The following TENT5A variants were observed in gnomAD, a reference collection of about 807,000 sequenced individuals.
The protein encoded by TENT5A is HBV X-transactivated gene 11 protein.
TENT5A carries 9 observed loss-of-function variants against 30.2 expected under a neutral mutation model. The observed-to-expected ratio is 0.30, with a 90% CI of 0.18 to 0.52. TENT5A has a LOEUF of 0.52. Among genes scored for constraint, TENT5A ranks in the 20% least tolerant of loss-of-function variants. TENT5A has a pLI of 0.97. For missense variants in TENT5A, 411 were observed against 566.1 expected (o/e 0.73, Z 2.78); for synonymous variants, 264 against 234.2 (o/e 1.13, Z -1.16).
In TENT5A at chr6:81,751,741, C is replaced by A; in HGVS notation, c.401G>T (p.Gly134Val). 6.2e-7 allele frequency: 1 copy of A among 1,613,800 alleles called. No individual in the cohort carries two copies. The highest frequency in any genetic ancestry group is 8.5e-7 in the Non-Finnish European group (1 of 1,180,034). ...AASHVLHQDS[G>V]LGYKDLDLIF... ...GAGGTCCAGGTCCTTGTAGCCCAGG[C>A]CGCTGTCCTGGTGCAGGACATGGCT... The change falls in exon 2 of 3, where the codon GGC becomes GTC. Residue 134 changes from glycine to valine, a missense_variant. By Grantham distance (109) the Gly-to-Val change is moderately radical. Transcript: ENST00000320172.
rs1244081808 is a variant in TENT5A at position 81,749,088 on chromosome 6, G to T, written c.*607C>A. ...TGTGTCATCATAAGTTCTGCTGATT[G>T]TTACGAGAACTGCACCAACCTACTA... On this transcript the variant is annotated 3_prime_UTR_variant, in exon 3 of 3. Transcript: ENST00000320172. The T allele has an allele frequency of 2.3e-5, 23 of 985,654 alleles. No homozygotes were observed. The highest frequency in any genetic ancestry group is 2.8e-5 in the Non-Finnish European group (23 of 829,926). The allele number at this position is 985,654 out of a possible 1,614,324, so 61.1% of individuals were successfully genotyped here. A position where few individuals can be genotyped will look rare whatever the true frequency, so the allele number is the denominator to read the frequency against.
At position 81,751,696 on chromosome 6, in the gene TENT5A, C is replaced by G; in HGVS notation, c.446G>C (p.Arg149Pro). The change falls in exon 2 of 3, where the codon CGC (arginine) becomes CCC (proline). Residue 149 changes from arginine (R) to proline (P), a missense_variant. This residue lies in a region of TENT5A where 157 missense variants were observed against 183.2 expected (regional missense o/e 0.86). Coordinates refer to ENST00000320172, the MANE Select transcript of TENT5A (RefSeq NM_017633.3). ...DLDLIFCADL[R>P]GEGEFQTVKD... Reference sequence around the variant, plus strand: ...CACAGTCTGAAACTCCCCTTCCCCGCGCAGGTCGGCGCAGAAGATGAGGTC... The same window carrying G: ...CACAGTCTGAAACTCCCCTTCCCCGGGCAGGTCGGCGCAGAAGATGAGGTC... The G allele has an allele frequency of 6.2e-7, 1 of 1,614,178 alleles. No homozygotes were observed. The highest frequency in any genetic ancestry group is 8.5e-7 in the Non-Finnish European group (1 of 1,180,056).
At position 81,751,916 on chromosome 6, in the gene TENT5A, C is replaced by A. The variant is rs1180072110; in HGVS notation, c.226G>T (p.Gly76Cys). 3.7e-6 allele frequency: 6 copies of A among 1,613,190 alleles called. No individual in the cohort carries two copies. Among genetic ancestry groups the A allele is most frequent in the Non-Finnish European group, 5.1e-6 (6 of 1,179,932 alleles). The change falls in exon 2 of 3, where the codon GGC becomes TGC. Residue 76 changes from glycine to cysteine, a missense_variant. Physicochemically the swap from Gly to Cys is radical, Grantham distance 159 (BLOSUM62 -3). Transcript: ENST00000320172. Reference protein sequence around the residue: ...LNWEQVQRLDGILSETIPIHG... With the variant: ...LNWEQVQRLDCILSETIPIHG... ...ATCGGAATGGTCTCGCTCAGGATGC[C>A]GTCCAGCCGCTGCACTTGCTCCCAG... is the stretch of plus-strand genomic sequence containing the variant.
chr6:81,751,834 A>T lies in TENT5A; in HGVS notation c.308T>A (p.Val103Glu). 1 of 1,612,862 alleles carries T rather than the reference A, an allele frequency of 6.2e-7. No individual in the cohort carries two copies. Among genetic ancestry groups the T allele is most frequent in the Non-Finnish European group, 8.5e-7 (1 of 1,179,842 alleles). Residue 103 changes from valine to glutamate, a missense_variant, in exon 2 of 3, where the codon GTG (valine) becomes GAG (glutamate). By Grantham distance (121) the Val-to-Glu change is moderately radical. Transcript: ENST00000320172. Reference protein sequence around the residue: ...LELQPSLIVKVVRRRLAEKRI... With the variant: ...LELQPSLIVKEVRRRLAEKRI... ...CTTCTCGGCCAGGCGCCGCCGCACC[A>T]CCTTCACGATCAGGCTCGGCTGCAG...
rs56281911 is a variant in TENT5A, at chr6:81,747,710, G to T, written c.*1985C>A. ...TCATAGCAAGCAGTCATCCACTAAG[G>T]TTGTGGAGATTATGTGGTTGTTTCA... On this transcript the variant is annotated 3_prime_UTR_variant, in exon 3 of 3. Transcript: ENST00000320172. The T allele has an allele frequency of 6.3e-3, 6,220 of 985,520 alleles. 322 individuals carry two copies. The African/African-American group carries it at 0.1, about 16-fold the overall frequency. 61.0% of individuals were successfully genotyped at this position (985,520 alleles called of 1,614,324 possible). A position where few individuals can be genotyped will look rare whatever the true frequency, so the allele number is the denominator to read the frequency against.
chr6:81,746,245 C>CA lies in TENT5A; in HGVS notation c.*3449dup, dbSNP rs1290421242. The CA allele has an allele frequency of 3.0e-5, 34 of 1,151,044 alleles. No homozygotes were observed. Among genetic ancestry groups the CA allele is most frequent in the Non-Finnish European group, 3.6e-5 (34 of 938,158 alleles). 71.3% of individuals were successfully genotyped at this position (1,151,044 alleles called of 1,614,324 possible). ...TAACACACTTCATCTTCAACAACAA[C>CA]AAAAAAGCTTATTTTTGAACTGACA... is the stretch of plus-strand genomic sequence containing the variant. On this transcript the variant is annotated 3_prime_UTR_variant, in exon 3 of 3. Transcript: ENST00000320172.
rs1426071498 is a variant in TENT5A, at chr6:81,752,530, C to G, written c.-137G>C. The G allele has an allele frequency of 1.6e-6, 2 of 1,274,076 alleles. No homozygotes were observed. The highest frequency in any genetic ancestry group is 4.0e-5 in the Admixed American group (2 of 50,618). 78.9% of individuals were successfully genotyped at this position (1,274,076 alleles called of 1,614,324 possible). A position where few individuals can be genotyped will look rare whatever the true frequency, so the allele number is the denominator to read the frequency against. ...GCGAGCGCGCTCAGACAGCAAATAG[C>G]GACTTCGTCTTTCCCAGACCCCTGC... is the stretch of plus-strand genomic sequence containing the variant. On this transcript the variant is annotated 5_prime_UTR_variant, in exon 1 of 3. Transcript: ENST00000320172.
At position 81,746,766 on chromosome 6, in the gene TENT5A, T is replaced by C. The variant is rs1768894906; in HGVS notation, c.*2929A>G. The C allele has an allele frequency of 1.6e-6, 2 of 1,217,378 alleles. No homozygotes were observed. The highest frequency in any genetic ancestry group is 6.5e-5 in the East Asian group (2 of 30,800). The allele number at this position is 1,217,378 out of a possible 1,614,324, so 75.4% of individuals were successfully genotyped here. On this transcript the variant is annotated 3_prime_UTR_variant, in exon 3 of 3. Transcript: ENST00000320172. ...TAATAGGGAGTCGGGAGCTGTTCTT[T>C]TCTCTGACCTATACACATGGCTCTC...
chr6:81,752,646 C>T lies in TENT5A; in HGVS notation c.-253G>A. ...CCCGAACTGGCGGCTCTTGCTGCCA[C>T]ACACGCTCGTGTCTCTGGAGCTTTA... On this transcript the variant is annotated 5_prime_UTR_variant, in exon 1 of 3. In the 5' UTR this introduces an upstream ATG that the reference lacks. Coordinates refer to ENST00000320172, the MANE Select transcript of TENT5A (RefSeq NM_017633.3). 2.8e-6 allele frequency: 2 copies of T among 718,598 alleles called. No individual in the cohort carries two copies. The highest frequency in any genetic ancestry group is 3.0e-5 in the South Asian group (2 of 67,612). 44.5% of individuals were successfully genotyped at this position (718,598 alleles called of 1,614,324 possible). A position where few individuals can be genotyped will look rare whatever the true frequency, so the allele number is the denominator to read the frequency against.
Position 81,752,247 on chromosome 6 carries a change from C to CA in TENT5A, c.-37-70dup, listed in dbSNP as rs925522788. ...GGAGAGCACGCGCGGCGGCGGAGAG[C>CA]AGAGGCCCGCCAGGAAAAGAGCGCC... On this transcript the variant is annotated intron_variant, in intron 1 of 2. Transcript: ENST00000320172. The CA allele has an allele frequency of 9.5e-5, 136 of 1,432,754 alleles. 1 individual carries two copies. In the African/African-American group the frequency reaches 1.9e-3, roughly 20 times the overall value. 88.8% of individuals were successfully genotyped at this position (1,432,754 alleles called of 1,614,324 possible). A position where few individuals can be genotyped will look rare whatever the true frequency, so the allele number is the denominator to read the frequency against.
rs1229445353 is a variant in TENT5A at position 81,748,616 on chromosome 6, T to C, written c.*1079A>G. The C allele has an allele frequency of 1.7e-5, 16 of 937,540 alleles. No individual in the cohort carries two copies. The East Asian group carries it at 3.5e-4, about 20-fold the overall frequency. The allele number at this position is 937,540 out of a possible 1,614,324, so 58.1% of individuals were successfully genotyped here. A position where few individuals can be genotyped will look rare whatever the true frequency, so the allele number is the denominator to read the frequency against. On this transcript the variant is annotated 3_prime_UTR_variant, in exon 3 of 3. Coordinates refer to ENST00000320172, the MANE Select transcript of TENT5A (RefSeq NM_017633.3). ...TAGATCATAGTCAATCTACTGTGTA[T>C]ATATACATATAAAATGTATATATAA...
Position 81,752,135 on chromosome 6 carries a change from C to G in TENT5A, c.7G>C (p.Glu3Gln), listed in dbSNP as rs1769057081. 2 of 1,549,178 alleles carry G rather than the reference C, an allele frequency of 1.3e-6. No individual in the cohort carries two copies. The highest frequency in any genetic ancestry group is 1.4e-5 in the African/African-American group (1 of 72,620). Reference protein sequence around the residue: MAEGEGYFAMSED... With the variant: MAQGEGYFAMSED... Reference sequence around the variant, plus strand: ...GACATGGCGAAGTACCCTTCACCCTCCGCCATGTAGTGCCCGCCGAGCGCC... The same window carrying G: ...GACATGGCGAAGTACCCTTCACCCTGCGCCATGTAGTGCCCGCCGAGCGCC... The change falls in exon 2 of 3, where the codon GAG becomes CAG. Residue 3 changes from glutamate (E) to glutamine (Q), a missense_variant. Transcript: ENST00000320172.
rs2127725676 is a variant in TENT5A, at chr6:81,746,386, G to T, written c.*3309C>A. 2 of 1,228,946 alleles carry T rather than the reference G, an allele frequency of 1.6e-6. No homozygotes were observed. The highest frequency in any genetic ancestry group is 1.6e-5 in the African/African-American group (1 of 64,424). The allele number at this position is 1,228,946 out of a possible 1,614,324, so 76.1% of individuals were successfully genotyped here. A position where few individuals can be genotyped will look rare whatever the true frequency, so the allele number is the denominator to read the frequency against. On this transcript the variant is annotated 3_prime_UTR_variant, in exon 3 of 3. Coordinates refer to ENST00000320172, the MANE Select transcript of TENT5A (RefSeq NM_017633.3). ...CAACCAACAATAAGCAAACAGAAAG[G>T]GGTGGTAAAAACAGTACGTTCACTT...
In TENT5A at chr6:81,751,919, C is replaced by A; in HGVS notation, c.223G>T (p.Asp75Tyr). Reference protein sequence around the residue: ...VLNWEQVQRLDGILSETIPIH... With the variant: ...VLNWEQVQRLYGILSETIPIH... The stretch of plus-strand genomic sequence containing the variant: ...GGAATGGTCTCGCTCAGGATGCCGT[C>A]CAGCCGCTGCACTTGCTCCCAGTTC... Residue 75 changes from aspartate to tyrosine, a missense_variant, in exon 2 of 3, where the codon GAC becomes TAC. By Grantham distance (160) the Asp-to-Tyr change is radical (BLOSUM62 -3). Coordinates refer to ENST00000320172, the MANE Select transcript of TENT5A (RefSeq NM_017633.3). The A allele has an allele frequency of 6.2e-7, 1 of 1,613,106 alleles. No individual in the cohort carries two copies. The highest frequency in any genetic ancestry group is 1.3e-5 in the African/African-American group (1 of 74,982).
In TENT5A at chr6:81,749,617, C is replaced by CT. The variant is rs879128167; in HGVS notation, c.*77dup. The CT allele has an allele frequency of 2.5e-3, 3,372 of 1,341,686 alleles. No homozygotes were observed. The highest frequency in any genetic ancestry group is 6.7e-3 in the South Asian group (418 of 62,672). The allele number at this position is 1,341,686 out of a possible 1,614,324, so 83.1% of individuals were successfully genotyped here. On this transcript the variant is annotated 3_prime_UTR_variant, in exon 3 of 3. Transcript: ENST00000320172. ...CATCCCTAATAAGGGCTGGATCACT[C>CT]TTTTTTTTTTCTTTTTTTTTTTTTT...
rs1019499484 is a variant in TENT5A, at chr6:81,749,282, T to C, written c.*413A>G. ...ATTCACAAGTTGGAGTGAGACCTTT[T>C]TTCCTCCGTATTTTCCCTTTTATGA... On this transcript the variant is annotated 3_prime_UTR_variant, in exon 3 of 3. Coordinates refer to ENST00000320172, the MANE Select transcript of TENT5A (RefSeq NM_017633.3). 1 of 994,076 alleles carries C rather than the reference T, an allele frequency of 1.0e-6. No homozygotes were observed. The highest frequency in any genetic ancestry group is 1.2e-6 in the Non-Finnish European group (1 of 835,974). The allele number at this position is 994,076 out of a possible 1,614,324, so 61.6% of individuals were successfully genotyped here.
chr6:81,745,838 T>G lies in TENT5A; in HGVS notation c.*3857A>C. 1 of 985,892 alleles carries G rather than the reference T, an allele frequency of 1.0e-6. No individual in the cohort carries two copies. Among genetic ancestry groups the G allele is most frequent in the Non-Finnish European group, 1.2e-6 (1 of 829,946 alleles). The allele number at this position is 985,892 out of a possible 1,614,324, so 61.1% of individuals were successfully genotyped here. A position where few individuals can be genotyped will look rare whatever the true frequency, so the allele number is the denominator to read the frequency against. On this transcript the variant is annotated 3_prime_UTR_variant, in exon 3 of 3. Transcript: ENST00000320172. ...AGCACTGATTCAAACATGTCAGTTT[T>G]TTAGTCCATTTTCCATCAACTCCTT...
At position 81,749,672 on chromosome 6, in the gene TENT5A, C is replaced by T; in HGVS notation, c.*23G>A. 1.3e-6 allele frequency: 2 copies of T among 1,594,838 alleles called. No individual in the cohort carries two copies. Among genetic ancestry groups the T allele is most frequent in the Non-Finnish European group, 8.6e-7 (1 of 1,168,692 alleles). ...CCTGTCTTGTCTGAAATGGCTTCCC[C>T]ACAGGACATTTTTAAATGATTCTTA... On this transcript the variant is annotated 3_prime_UTR_variant, in exon 3 of 3. Coordinates refer to ENST00000320172, the MANE Select transcript of TENT5A (RefSeq NM_017633.3).
Position 81,752,106 on chromosome 6 carries a change from C to G in TENT5A, c.36G>C (p.Glu12Asp). 1 of 1,507,620 alleles carries G rather than the reference C, an allele frequency of 6.6e-7. No homozygotes were observed. Among genetic ancestry groups the G allele is most frequent in the Non-Finnish European group, 8.9e-7 (1 of 1,125,158 alleles). The allele number at this position is 1,507,620 out of a possible 1,614,324, so 93.4% of individuals were successfully genotyped here. A position where few individuals can be genotyped will look rare whatever the true frequency, so the allele number is the denominator to read the frequency against. ...TGTAGGGGCTGCAGGCCAGCTCGTC[C>G]TCAGACATGGCGAAGTACCCTTCAC... ...AEGEGYFAMSEDELACSPYIP... is the reference protein window; with the variant it reads ...AEGEGYFAMSDDELACSPYIP... Residue 12 changes from glutamate to aspartate, a missense_variant, in exon 2 of 3, where the codon GAG becomes GAC. By Grantham distance (45) the Glu-to-Asp change is conservative. Transcript: ENST00000320172.
Sources: gnomAD v4.1 joint callset for allele counts on GRCh38, gnomAD v4.1.1 for gene constraint, gnomAD v4.1.1 regional missense constraint, MANE v1.5 for transcripts, NCBI Gene and HGNC (gene_info 2026-07-23, HGNC 2026-07-21) for gene names.